Variants in RYR3 observed in about 807,000 individuals in gnomAD.
The protein encoded by RYR3 is ryanodine receptor 3, also known as brain ryanodine receptor-calcium release channel.
In RYR3, 207 loss-of-function variants were observed where a neutral mutation model predicts 584.3. That is an observed-to-expected ratio of 0.35 (90% confidence interval 0.32 to 0.40). The LOEUF (loss-of-function observed/expected upper bound fraction) is 0.40. RYR3 is among the 10% of genes least tolerant of loss of function. The pLI is 1.00. For synonymous variants in RYR3, 2,416 were observed against 2,248.5 expected, an observed-to-expected ratio of 1.07 and a Z score of -2.11; for missense variants, 5,616 against 6,089.2, an observed-to-expected ratio of 0.92 and a Z score of 2.59.
At chr15:33,709,663 G>T (rs1596269346) in intron 43 of RYR3, among the ~76,000 whole-genome samples, 1 of 152,188 alleles carries the variant, frequency 6.6e-6, no homozygotes, top group Non-Finnish European at 1.5e-5. Context: ...ATGTTATGAT[G>T]CAGTGAGAAG....
intron 38 of RYR3, among the ~76,000 whole-genome samples, chr15:33,672,296 C>T (rs912715723): frequency 7.2e-5 from 11 of 152,334 alleles, no homozygotes; most frequent in Middle Eastern, 3.4e-3. Context: ...CAGTCTGCAG[C>T]CCCGCTACCT....
intron 12 of RYR3, among the ~76,000 whole-genome samples, chr15:33,574,357 C>T (rs2058186606): frequency 6.6e-6 from 1 of 152,172 alleles, no homozygotes; most frequent in African/African-American, 2.4e-5. Context: ...GTATTCATTC[C>T]TTCACTGAAT....
intron 85 of RYR3, among the ~76,000 whole-genome samples, chr15:33,827,538 C>T (rs1161023271): frequency 6.6e-6 from 1 of 152,148 alleles, no homozygotes; most frequent in Non-Finnish European, 1.5e-5. Context: ...CCAGTGAAAA[C>T]CAATCTGTGT....
chr15:33,575,698 A>C (rs2058263844), intron 12 of RYR3, among the ~76,000 whole-genome samples: 1 of 152,086 alleles, frequency 6.6e-6, no homozygotes, highest in South Asian at 2.1e-4. Context: ...CATCACAACT[A>C]AAAGAACTGG....
chr15:33,502,440 CCCTCATT>C (rs2052074820), intron 2 of RYR3, among the ~76,000 whole-genome samples: 1 of 152,138 alleles, frequency 6.6e-6, no homozygotes, highest in Non-Finnish European at 1.5e-5. Flanking sequence ...TAGTTTCTGG[CCCTCATT>C]CCTCATTCCT....
chr15:33,687,740 G>C (rs1368011741), intron 38 of RYR3, among the ~76,000 whole-genome samples: 1 of 152,190 alleles, frequency 6.6e-6, no homozygotes, highest in Non-Finnish European at 1.5e-5. Context: ...ACAGAACAGA[G>C]GCCTCAGAAA....
At chr15:33,582,377 G>T (rs78564520) in intron 14 of RYR3, among the ~76,000 whole-genome samples, 1,628 of 152,242 alleles carry the variant, frequency 0.011, 31 homozygotes, top group African/African-American at 0.038. Context: ...CCAGAATGGA[G>T]CCCAGAGAAA....
intron 20 of RYR3, among the ~76,000 whole-genome samples, chr15:33,624,481 CA>C (rs1595876636): frequency 1.3e-5 from 2 of 152,040 alleles, no homozygotes; most frequent in East Asian, 3.9e-4. Context: ...GGAGGGTCTC[CA>C]GGGGTGATAT....
At chr15:33,320,849 C>T (rs1438996616) in intron 1 of RYR3, among the ~76,000 whole-genome samples, 2 of 152,208 alleles carry the variant, frequency 1.3e-5, no homozygotes, top group African/African-American at 4.8e-5. Context: ...GTCACACTAG[C>T]TATTCCAAAT....
At chr15:33,790,299 T>C (rs2075077603) in intron 67 of RYR3, among the ~76,000 whole-genome samples, 1 of 25,158 alleles carries the variant, frequency 4.0e-5, no homozygotes, top group African/African-American at 8.5e-5. Context: ...AGCCCTTTTG[T>C]TTGTTTGTTT....
intron 1 of RYR3, among the ~76,000 whole-genome samples, chr15:33,339,870 C>A (rs1971607902): frequency 7.5e-6 from 1 of 133,312 alleles, no homozygotes; most frequent in Admixed American, 8.2e-5. Context: ...GCCTGGGCGA[C>A]AGAGCAAGAC....
Position 33,462,943 on chromosome 15 carries a change from G to A in RYR3, c.52-10476G>A, listed in dbSNP as rs568299608. Among the ~76,000 whole-genome samples, 5 of 152,200 alleles carry A rather than the reference G, an allele frequency of 3.3e-5. No individual in the cohort carries two copies. The South Asian group carries it at 1.0e-3, about 32-fold the overall frequency. On this transcript the variant is annotated intron_variant, in intron 1 of 103. Transcript: ENST00000634891. ...CACCTGTAATCCTAGCACTTTGGGA[G>A]GCTGATTGCTTGAGCCCAGAAGTTT...
chr15:33,782,466 C>T (rs1451423808), intron 65 of RYR3, among the ~76,000 whole-genome samples: 6 of 152,210 alleles, frequency 3.9e-5, no homozygotes. Flanking sequence ...CTATGGGACT[C>T]TATGTCCAGC....
At chr15:33,859,444 C>CACCTCTGA in intron 99 of RYR3, 131 bp from the exon 100 acceptor site, 1 of 856,488 alleles carries the variant, frequency 1.2e-6, no homozygotes, top group Non-Finnish European at 1.8e-6. Context: ...TGAATACTGG[C>CACCTCTGA]ACCTCTGAAG....
chr15:33,573,442 C>T (rs1435117), intron 12 of RYR3, among the ~76,000 whole-genome samples: 95,452 of 151,960 alleles, frequency 0.63, 31,636 homozygotes, highest in Middle Eastern at 0.75. Flanking sequence ...AAAATGAAGA[C>T]GAAGAGGTTA....
At chr15:33,830,706 A>C (rs1253125474) in intron 85 of RYR3, 1 of 315,704 alleles carries the variant, frequency 3.2e-6, no homozygotes, top group East Asian at 5.9e-5. Context: ...ACATTGAGTA[A>C]ATTATCCTAT....
chr15:33,408,268 TTC>T (rs1313350327), intron 1 of RYR3, among the ~76,000 whole-genome samples: 2 of 152,180 alleles, frequency 1.3e-5, no homozygotes, highest in African/African-American at 2.4e-5. Flanking sequence ...AGTTTTCTGT[TTC>T]TGTGTTAATT....
intron 1 of RYR3, among the ~76,000 whole-genome samples, chr15:33,455,157 C>T (rs991782678): frequency 6.6e-6 from 1 of 152,050 alleles, no homozygotes; most frequent in Admixed American, 6.6e-5. Flanking sequence ...CCAGGTCTCT[C>T]CATGGGTGTG....
chr15:33,424,813 C>G (rs2044486890), intron 1 of RYR3, among the ~76,000 whole-genome samples: 1 of 152,026 alleles, frequency 6.6e-6, no homozygotes, highest in Admixed American at 6.6e-5. Context: ...GGGCCTCTAT[C>G]AAGATGCAAA....
Sources: gnomAD v4.1 joint callset for allele counts (sites outside exome capture counted in the v4.1 genomes callset) on GRCh38, gnomAD v4.1.1 for gene constraint, MANE v1.5 for transcripts, NCBI Gene and HGNC (gene_info 2026-07-23, HGNC 2026-07-21) for gene names.